SRGAP3: variants seen among roughly 807,000 people sequenced by gnomAD.
The protein encoded by SRGAP3 is SLIT-ROBO Rho GTPase-activating protein 3.
In SRGAP3, 39 loss-of-function variants were observed where a neutral mutation model predicts 121.1. That is an observed-to-expected ratio of 0.32 (90% CI 0.25 to 0.42). The LOEUF is 0.42. SRGAP3 is among the 10% of genes least tolerant of loss of function. The probability of loss-of-function intolerance (pLI) is 1.00; values close to 1 mark genes in which losing one functional copy is unlikely to be tolerated. For missense variants in SRGAP3, 1,213 were observed against 1,470.6 expected (o/e 0.82, Z 2.86); for synonymous variants, 601 against 570.0 (o/e 1.05, Z -0.77).
intron 1 of SRGAP3, among the ~76,000 whole-genome samples, chr3:9,168,867 T>C (rs1575176883): frequency 6.6e-6 from 1 of 152,400 alleles, no homozygotes; most frequent in East Asian, 1.9e-4. Context: ...TATATTCTGA[T>C]ATGTTACAGT....
At chr3:9,115,035 G>A (rs760312634) in intron 2 of SRGAP3, among the ~76,000 whole-genome samples, 1 of 152,242 alleles carries the variant, frequency 6.6e-6, no homozygotes, top group African/African-American at 2.4e-5. Flanking sequence ...GGCTAGCACA[G>A]GTAAGTGGCA....
intron 1 of SRGAP3, among the ~76,000 whole-genome samples, chr3:9,182,197 A>AAC (rs1951433999): frequency 6.6e-6 from 1 of 151,028 alleles, no homozygotes; most frequent in East Asian, 1.9e-4. Flanking sequence ...AAAAAAAAAA[A>AAC]AAAACACAAA....
chr3:9,113,033 T>C (rs2124941080), intron 2 of SRGAP3, among the ~76,000 whole-genome samples: 1 of 152,324 alleles, frequency 6.6e-6, no homozygotes, highest in Non-Finnish European at 1.5e-5. Context: ...GGGCATCATC[T>C]AGAACTGACA....
At chr3:9,289,829 T>C (rs1443134999) in intron 3 of SRGAP3, among the ~76,000 whole-genome samples, 1 of 151,962 alleles carries the variant, frequency 6.6e-6, no homozygotes, top group Non-Finnish European at 1.5e-5. Flanking sequence ...CAGTTCAGGC[T>C]GGGAATGGTG....
intron 10 of SRGAP3, among the ~76,000 whole-genome samples, chr3:9,045,187 A>AC (rs1272080223): frequency 7.8e-6 from 1 of 127,518 alleles, no homozygotes; most frequent in African/African-American, 2.8e-5. Context: ...GAGAAAGTTT[A>AC]CTTTAAAAAA....
At chr3:8,991,519 T>A (rs1013188196) in intron 20 of SRGAP3, among the ~76,000 whole-genome samples, 5 of 152,134 alleles carry the variant, frequency 3.3e-5, no homozygotes, top group African/African-American at 1.2e-4. Context: ...TTCAGGAAGG[T>A]GAGTTCTTGC....
At chr3:8,988,723 T>C (rs1414634452) in intron 21 of SRGAP3, among the ~76,000 whole-genome samples, 1 of 150,704 alleles carries the variant, frequency 6.6e-6, no homozygotes, top group East Asian at 2.0e-4. Flanking sequence ...TGGAAGACAA[T>C]TTTTCCACAG....
intron 2 of SRGAP3, among the ~76,000 whole-genome samples, chr3:9,327,266 T>C (rs1465789158): frequency 6.6e-6 from 1 of 151,860 alleles, no homozygotes; most frequent in Non-Finnish European, 1.5e-5. Flanking sequence ...CAATGTGCAA[T>C]TTATGGAAAA....
chr3:9,353,420 C>T (rs980579836), intron 1 of SRGAP3, among the ~76,000 whole-genome samples: 10 of 152,246 alleles, frequency 6.6e-5, no homozygotes, highest in Non-Finnish European at 1.3e-4. Context: ...TATAAGGATA[C>T]AGTTCCTTTC....
chr3:9,078,755 T>C (rs187233533), intron 4 of SRGAP3, among the ~76,000 whole-genome samples: 2 of 152,158 alleles, frequency 1.3e-5, no homozygotes, highest in Non-Finnish European at 2.9e-5. Flanking sequence ...CAAAGCAATA[T>C]GCATTCTCAA....
chr3:9,279,509 A>AT (rs34338068), intron 3 of SRGAP3, among the ~76,000 whole-genome samples: 3,362 of 117,934 alleles, frequency 0.029, 156 homozygotes, highest in African/African-American at 0.079. Flanking sequence ...GAATACCCTG[A>AT]TTTTTTTTTT....
At chr3:9,264,661 C>T (rs1042477234) in intron 3 of SRGAP3, among the ~76,000 whole-genome samples, 5 of 152,068 alleles carry the variant, frequency 3.3e-5, no homozygotes, top group South Asian at 2.1e-4. Context: ...ATACAACTTA[C>T]GAGGGGTGTG....
chr3:9,314,423 C>T (rs1955308160), intron 3 of SRGAP3, among the ~76,000 whole-genome samples: 3 of 150,648 alleles, frequency 2.0e-5, no homozygotes, highest in South Asian at 2.1e-4. Flanking sequence ...AGAAGGGAGA[C>T]AGGAGGAAGA....
At chr3:9,043,881 G>A (rs115106418) in intron 10 of SRGAP3, among the ~76,000 whole-genome samples, 1,819 of 152,160 alleles carry the variant, frequency 0.012, 19 homozygotes, top group Non-Finnish European at 0.02. Context: ...AAAACCAACC[G>A]CATCTTGAGT....
intron 3 of SRGAP3, among the ~76,000 whole-genome samples, chr3:9,286,113 AACAC>A (rs34023408): frequency 0.14 from 18,436 of 134,820 alleles, 1,298 homozygotes; most frequent in African/African-American, 0.2. Context: ...CCCTATCTCA[AACAC>A]ACACACACAC....
intron 21 of SRGAP3, among the ~76,000 whole-genome samples, chr3:8,989,017 T>G (rs1170419112): frequency 6.6e-6 from 1 of 152,160 alleles, no homozygotes; most frequent in Non-Finnish European, 1.5e-5. Context: ...GTTTTATAAG[T>G]CTTACAGAGA....
chr3:9,262,534 C>CAAAAAAAAAAAAAAAAAAAAAAA lies in SRGAP3; in HGVS notation n.442+63475_442+63476insTTTTTTTTTTTTTTTTTTTTTTT, dbSNP rs765408588. On this transcript the variant is annotated intron_variant and non_coding_transcript_variant, in intron 3 of 3. Coordinates refer to the SRGAP3 transcript ENST00000490889. ...GAAGATTTACCAAGCAAATGGAAAG[C>CAAAAAAAAAAAAAAAAAAAAAAA]AAAAAAAAAAAAAAAAAAAAAAGCA... 1.6e-4 allele frequency among the ~76,000 whole-genome samples: 4 copies of CAAAAAAAAAAAAAAAAAAAAAAA among 25,566 alleles called. 1 individual carries two copies. The highest frequency in any genetic ancestry group is 2.3e-4 in the Non-Finnish European group (3 of 13,268). The allele number at this position is 25,566 out of a possible 152,430, so 16.8% of individuals were successfully genotyped here.
chr3:9,353,165 C>T (rs1314696658), intron 1 of SRGAP3, among the ~76,000 whole-genome samples: 1 of 152,220 alleles, frequency 6.6e-6, no homozygotes, highest in Admixed American at 6.5e-5. Context: ...TGCAGGAGAC[C>T]TGATGGCTAT....
intron 3 of SRGAP3, among the ~76,000 whole-genome samples, chr3:9,289,753 T>G (rs1245690881): frequency 6.6e-6 from 1 of 152,110 alleles, no homozygotes; most frequent in African/African-American, 2.4e-5. Context: ...CTTGGACAGG[T>G]TCTGGGCTTC....
Sources: gnomAD v4.1 joint callset for allele counts (sites outside exome capture counted in the v4.1 genomes callset) on GRCh38, gnomAD v4.1.1 for gene constraint, MANE v1.5 for transcripts, NCBI Gene and HGNC (gene_info 2026-07-23, HGNC 2026-07-21) for gene names.